CYRIB: variants seen among roughly 807,000 people sequenced by gnomAD.
CYRIB encodes the protein CYFIP related Rac1 interactor B.
A neutral mutation model predicts 44.2 loss-of-function variants in CYRIB; 8 were observed. That is an observed-to-expected ratio of 0.18 (90% CI 0.11 to 0.33). The LOEUF (loss-of-function observed/expected upper bound fraction) is 0.33. Ranked by LOEUF, CYRIB falls within the 10% of genes least tolerant of loss-of-function variation. The pLI, the probability that CYRIB is intolerant of heterozygous loss-of-function variation, is 1.00. For synonymous variants in CYRIB, 131 were observed against 127.2 expected (o/e 1.03, Z -0.20); for missense variants, 185 against 382.8 (o/e 0.48, Z 4.31).
chr8:129,858,597 A>G (rs1253514760), intron 5 of CYRIB, among the ~76,000 whole-genome samples: 1 of 152,206 alleles, frequency 6.6e-6, no homozygotes, highest in Non-Finnish European at 1.5e-5. Context: ...ACCTGAGGAC[A>G]TGGATTCTAA....
intron 5 of CYRIB, among the ~76,000 whole-genome samples, chr8:129,860,534 G>C (rs1047467531): frequency 1.3e-5 from 2 of 152,052 alleles, no homozygotes; most frequent in African/African-American, 4.8e-5. Context: ...GTAAGAAAAA[G>C]ATAATTTATA....
At position 129,957,674 on chromosome 8, in the gene CYRIB, T is replaced by TA. The variant is rs1245031516; in HGVS notation, c.-243+13268dup. On this transcript the variant is annotated intron_variant, in intron 2 of 14. Coordinates refer to the CYRIB transcript ENST00000401979. ...GGTGAAACCCCATCTCTACTAAAAA[T>TA]AAAAAAAATTGGCCGGCGTGGTGGC... is the stretch of plus-strand genomic sequence containing the variant. Among the ~76,000 whole-genome samples, 10 of 151,642 alleles carry TA rather than the reference T, an allele frequency of 6.6e-5. No homozygotes were observed. In the East Asian group the frequency reaches 7.8e-4, roughly 12 times the overall value.
intron 4 of CYRIB, among the ~76,000 whole-genome samples, chr8:129,867,388 G>A (rs2054286162): frequency 3.7e-5 from 1 of 27,326 alleles, no homozygotes; most frequent in Non-Finnish European, 7.1e-5. Context: ...GCCTCCCAAA[G>A]TGCTAGGATT....
intron 1 of CYRIB, among the ~76,000 whole-genome samples, chr8:129,920,710 T>C (rs930436977): frequency 1.3e-5 from 2 of 152,148 alleles, no homozygotes; most frequent in African/African-American, 4.8e-5. Context: ...TGTTTTACCT[T>C]CTGCTACCCT....
intron 8 of CYRIB, 144 bp downstream of exon 10, chr8:129,852,018 C>A (rs2043528924): frequency 2.3e-6 from 1 of 442,048 alleles, no homozygotes; most frequent in Non-Finnish European, 4.0e-6. Flanking sequence ...ACATGTGGGC[C>A]TCAGAAAAAA....
At chr8:129,949,248 G>T (rs555920358) in intron 2 of CYRIB, 3 of 152,132 alleles carry the variant, frequency 2.0e-5, no homozygotes, top group African/African-American at 7.2e-5. Context: ...TATAATGACA[G>T]AAGAACTATT....
intron 2 of CYRIB, among the ~76,000 whole-genome samples, chr8:129,969,545 A>C (rs2095613105): frequency 6.6e-6 from 1 of 152,226 alleles, no homozygotes; most frequent in Admixed American, 6.5e-5. Context: ...TTCTGAAGCC[A>C]GCATGTTGTG....
chr8:129,876,099 T>A, intron 3 of CYRIB, among the ~76,000 whole-genome samples: 1 of 144,306 alleles, frequency 6.9e-6, no homozygotes, highest in African/African-American at 2.6e-5. Context: ...GGTGACGGAG[T>A]GAGACTCCAT....
At chr8:129,845,835 C>T (rs753152271) in intron 11 of CYRIB, among the ~76,000 whole-genome samples, 4 of 152,098 alleles carry the variant, frequency 2.6e-5, no homozygotes, top group Non-Finnish European at 4.4e-5. Context: ...TATAAAGTAT[C>T]GAGATTTTCA....
chr8:129,958,518 C>A (rs939883683), intron 2 of CYRIB, among the ~76,000 whole-genome samples: 6 of 152,072 alleles, frequency 3.9e-5, no homozygotes, highest in African/African-American at 7.2e-5. Context: ...TTAACATGGG[C>A]CCAAGGGAAG....
chr8:129,946,213 T>C (rs2094130152), intron 2 of CYRIB, among the ~76,000 whole-genome samples: 1 of 152,234 alleles, frequency 6.6e-6, no homozygotes, highest in Non-Finnish European at 1.5e-5. Flanking sequence ...TGATTTGTTA[T>C]TGCCCAATTG....
At chr8:129,952,280 C>G (rs780728726) in intron 2 of CYRIB, among the ~76,000 whole-genome samples, 24 of 152,114 alleles carry the variant, frequency 1.6e-4, no homozygotes, top group Non-Finnish European at 2.4e-4. Context: ...AGGCTGGTCT[C>G]GAACTCCCGA....
At chr8:129,936,594 C>T (rs2092830205) in intron 1 of CYRIB, among the ~76,000 whole-genome samples, 1 of 152,072 alleles carries the variant, frequency 6.6e-6, no homozygotes, top group South Asian at 2.1e-4. Flanking sequence ...TATCAAGTGC[C>T]CATTCTAAGC....
At position 129,849,419 on chromosome 8, in the gene CYRIB, T is replaced by C. The variant is rs75044115; in HGVS notation, c.714-50A>G. ...GGAAGAAGTGCATTACAAAATTCTT[T>C]TTAAAAACACACACACACAAGAAAA... is the stretch of plus-strand genomic sequence containing the variant. On this transcript the variant is annotated intron_variant, in intron 9 of 11. Coordinates refer to ENST00000519824, the Ensembl canonical transcript of CYRIB. The C allele has an allele frequency of 4.8e-3, 7,443 of 1,549,610 alleles. 253 individuals carry two copies. In the African/African-American group the frequency reaches 0.077, roughly 16 times the overall value.
At position 129,962,152 on chromosome 8, in the gene CYRIB, G is replaced by C. The variant is rs144407067; in HGVS notation, c.-243+8791C>G. 5.1e-3 allele frequency among the ~76,000 whole-genome samples: 782 copies of C among 152,122 alleles called. 3 individuals carry two copies. The highest frequency in any genetic ancestry group is 7.4e-3 in the Admixed American group (113 of 15,260). On this transcript the variant is annotated intron_variant, in intron 2 of 14. Coordinates refer to the CYRIB transcript ENST00000401979. ...GTCCCAGCTACTCGGGGAGGCTGAG[G>C]TGGATCACCTGAGCCTGGGAAGTCA... is the stretch of plus-strand genomic sequence containing the variant.
At chr8:129,970,192 A>T (rs918054343) in intron 2 of CYRIB, among the ~76,000 whole-genome samples, 1 of 152,228 alleles carries the variant, frequency 6.6e-6, no homozygotes, top group African/African-American at 2.4e-5. Flanking sequence ...AGTTAAAAGC[A>T]CGCCTACGTA....
At chr8:129,929,728 G>A (rs1224904116) in intron 1 of CYRIB, among the ~76,000 whole-genome samples, 1 of 152,088 alleles carries the variant, frequency 6.6e-6, no homozygotes, top group East Asian at 1.9e-4. Context: ...TTCACTTTCT[G>A]CCTTTTAGTG....
In CYRIB at chr8:129,855,761, T is replaced by C; in HGVS notation, c.302-14A>G. 6.3e-7 allele frequency: 1 copy of C among 1,583,710 alleles called. No individual in the cohort carries two copies. The highest frequency in any genetic ancestry group is 8.6e-7 in the Non-Finnish European group (1 of 1,166,976). ...TTAATGCTGCTTCTAAAGAAAAAAATTGAAAAAAACATTAAGTTGTTTGTA... is the reference window on the plus strand; with the variant it reads ...TTAATGCTGCTTCTAAAGAAAAAAACTGAAAAAAACATTAAGTTGTTTGTA... On this transcript the variant is annotated splice_polypyrimidine_tract_variant and intron_variant, in intron 5 of 11. Coordinates refer to ENST00000519824, the Ensembl canonical transcript of CYRIB.
chr8:129,925,701 G>A (rs1312028511), intron 1 of CYRIB, among the ~76,000 whole-genome samples: 1 of 152,186 alleles, frequency 6.6e-6, no homozygotes, highest in Non-Finnish European at 1.5e-5. Flanking sequence ...TGCCAAAGCA[G>A]ATAGTCTCTC....
Sources: gnomAD v4.1 joint callset for allele counts (sites outside exome capture counted in the v4.1 genomes callset) on GRCh38, gnomAD v4.1.1 for gene constraint, MANE v1.5 for transcripts, NCBI Gene and HGNC (gene_info 2026-07-23, HGNC 2026-07-21) for gene names.